The following NKAIN2 variants were observed in gnomAD, a reference collection of about 807,000 sequenced individuals.
NKAIN2 encodes the protein sodium/potassium transporting ATPase interacting 2.
A neutral mutation model predicts 32.6 loss-of-function variants in NKAIN2; 14 were observed. The observed-to-expected ratio is 0.43, with a 90% confidence interval of 0.28 to 0.67. NKAIN2 has a LOEUF of 0.67. Among genes scored for constraint, NKAIN2 ranks in the 30% least tolerant of loss-of-function variants. NKAIN2 has a pLI of 0.17. For synonymous variants in NKAIN2, 80 were observed against 87.2 expected (o/e 0.92, Z 0.46); for missense variants, 198 against 258.3 (o/e 0.77, Z 1.60).
At chr6:124,419,429 G>T (rs974710259) in intron 3 of NKAIN2, among the ~76,000 whole-genome samples, 1 of 152,090 alleles carries the variant, frequency 6.6e-6, no homozygotes, top group Non-Finnish European at 1.5e-5. Flanking sequence ...AAAGGACTTC[G>T]TTCCTTGTAG....
chr6:124,015,611 C>T (rs1436473838), intron 1 of NKAIN2, among the ~76,000 whole-genome samples: 2 of 152,078 alleles, frequency 1.3e-5, no homozygotes, highest in African/African-American at 4.8e-5. Flanking sequence ...GCTTCAAAGC[C>T]GTTCTGTATG....
intron 2 of NKAIN2, among the ~76,000 whole-genome samples, chr6:124,312,039 T>C (rs1190504380): frequency 1.3e-5 from 2 of 152,140 alleles, no homozygotes; most frequent in Non-Finnish European, 2.9e-5. Context: ...GAAAGAGGTA[T>C]ATAAATAGAG....
At chr6:123,979,827 A>G (rs530751146) in intron 1 of NKAIN2, among the ~76,000 whole-genome samples, 1 of 152,182 alleles carries the variant, frequency 6.6e-6, no homozygotes, top group Non-Finnish European at 1.5e-5. Context: ...GGTAATGAGG[A>G]CAAGACAATA....
intron 4 of NKAIN2, among the ~76,000 whole-genome samples, chr6:124,669,956 T>C (rs944317985): frequency 6.6e-6 from 1 of 152,026 alleles, no homozygotes; most frequent in African/African-American, 2.4e-5. Context: ...AGGATAAATA[T>C]CATCATCCCC....
intron 4 of NKAIN2, among the ~76,000 whole-genome samples, chr6:124,708,483 T>G (rs1468002845): frequency 3.1e-4 from 47 of 152,226 alleles, no homozygotes; most frequent in East Asian, 1.4e-3. Context: ...AGCATGGAAT[T>G]TTCTTCCATT....
At chr6:124,740,853 G>GA (rs1282797010) in intron 4 of NKAIN2, among the ~76,000 whole-genome samples, 1 of 151,828 alleles carries the variant, frequency 6.6e-6, no homozygotes, top group Admixed American at 6.6e-5. Flanking sequence ...TATATATTAG[G>GA]AAAAGTTTTA....
intron 3 of NKAIN2, among the ~76,000 whole-genome samples, chr6:124,441,317 A>G (rs998373783): frequency 3.9e-5 from 6 of 152,132 alleles, no homozygotes; most frequent in African/African-American, 1.4e-4. Context: ...ATCAAGAGAA[A>G]TGTGGTAGTT....
At chr6:124,404,679 A>T (rs1773769238) in intron 3 of NKAIN2, among the ~76,000 whole-genome samples, 1 of 151,960 alleles carries the variant, frequency 6.6e-6, no homozygotes, top group African/African-American at 2.4e-5. Context: ...CAAAACACTT[A>T]TTTTTTGAAT....
At chr6:124,579,910 G>C (rs1781462137) in intron 3 of NKAIN2, among the ~76,000 whole-genome samples, 1 of 152,188 alleles carries the variant, frequency 6.6e-6, no homozygotes, top group African/African-American at 2.4e-5. Context: ...TTACAGGGCA[G>C]GAGAGAGTGG....
chr6:124,033,757 T>C (rs1400090044), intron 1 of NKAIN2, among the ~76,000 whole-genome samples: 1 of 152,162 alleles, frequency 6.6e-6, no homozygotes, highest in East Asian at 1.9e-4. Context: ...AATAATGCAC[T>C]GAATGCATGG....
At chr6:124,008,576 C>T (rs547157966) in intron 1 of NKAIN2, among the ~76,000 whole-genome samples, 5 of 152,188 alleles carry the variant, frequency 3.3e-5, no homozygotes, top group African/African-American at 9.6e-5. Flanking sequence ...TCCGAGAAGA[C>T]CAGCCTTGAG....
chr6:123,843,802 T>C (rs1248379197), intron 1 of NKAIN2, among the ~76,000 whole-genome samples: 1 of 151,832 alleles, frequency 6.6e-6, no homozygotes, highest in Admixed American at 6.6e-5. Flanking sequence ...ATGGGGGAAG[T>C]GTATGGGTGA....
intron 3 of NKAIN2, among the ~76,000 whole-genome samples, chr6:124,387,610 G>C (rs770637473): frequency 2.6e-4 from 39 of 152,044 alleles, no homozygotes; most frequent in Non-Finnish European, 4.9e-4. Flanking sequence ...TTTGTGTATA[G>C]CTTTTGTGTT....
At chr6:124,309,019 C>A (rs1052640219) in intron 2 of NKAIN2, among the ~76,000 whole-genome samples, 1 of 152,020 alleles carries the variant, frequency 6.6e-6, no homozygotes, top group African/African-American at 2.4e-5. Flanking sequence ...AGAAACAAAC[C>A]GAGAACAGGC....
chr6:124,326,027 C>G (rs1797394052), intron 2 of NKAIN2, among the ~76,000 whole-genome samples: 1 of 151,338 alleles, frequency 6.6e-6, no homozygotes, highest in Non-Finnish European at 1.5e-5. Context: ...ACTCCTGTTT[C>G]TGTGTGTGTG....
chr6:123,827,137 T>C (rs960514768), intron 1 of NKAIN2, among the ~76,000 whole-genome samples: 26 of 152,310 alleles, frequency 1.7e-4, no homozygotes, highest in African/African-American at 6.0e-4. Flanking sequence ...CATTAATCTA[T>C]CTTTTATGGA....
intron 1 of NKAIN2, among the ~76,000 whole-genome samples, chr6:123,992,444 G>T (rs1015273338): frequency 6.6e-6 from 1 of 152,062 alleles, no homozygotes; most frequent in East Asian, 1.9e-4. Flanking sequence ...ACAAACAAAC[G>T]AAACGGAATA....
chr6:124,383,359 A>G (rs1347940437), intron 3 of NKAIN2, among the ~76,000 whole-genome samples: 1 of 152,176 alleles, frequency 6.6e-6, no homozygotes, highest in Non-Finnish European at 1.5e-5. Flanking sequence ...CTAAAAGGGC[A>G]GATTGTATAA....
chr6:124,816,563 C>A (rs1234213478), intron 5 of NKAIN2, among the ~76,000 whole-genome samples: 1 of 152,008 alleles, frequency 6.6e-6, no homozygotes, highest in Non-Finnish European at 1.5e-5. Flanking sequence ...ACTTTCTGCT[C>A]CATTTTTCTG....
Sources: allele counts gnomAD v4.1 joint callset (sites outside exome capture counted in the v4.1 genomes callset), GRCh38; gene constraint gnomAD v4.1.1; transcripts MANE v1.5; gene names NCBI Gene and HGNC (gene_info 2026-07-23, HGNC 2026-07-21).